The following NDUFV2 variants were observed in gnomAD, a reference collection of about 807,000 sequenced individuals.
NDUFV2 encodes the protein NADH dehydrogenase [ubiquinone] flavoprotein 2, mitochondrial.
NDUFV2 carries 18 observed loss-of-function variants against 31.6 expected under a neutral mutation model. The observed-to-expected ratio is 0.57, with a 90% CI of 0.39 to 0.84. The LOEUF (loss-of-function observed/expected upper bound fraction) is 0.84, where lower values mean the gene tolerates loss of function less well. NDUFV2 is among the 40% of genes least tolerant of loss of function. The pLI, the probability that NDUFV2 is intolerant of heterozygous loss-of-function variation, is 0.00. For synonymous variants in NDUFV2, 83 were observed against 99.8 expected, an observed-to-expected ratio of 0.83 and a Z score of 1.01; for missense variants, 314 against 303.6, an observed-to-expected ratio of 1.03 and a Z score of -0.26.
At chr18:9,124,766 T>C in intron 5 of NDUFV2, 108 bp from the exon 6 acceptor site, 1 of 1,181,630 alleles carries the variant, frequency 8.5e-7, no homozygotes, top group Non-Finnish European at 1.2e-6. Context: ...AAAAACTTAA[T>C]AGTCTTAAAC....
chr18:9,120,183 A>AAT (rs2077924652), intron 4 of NDUFV2, among the ~76,000 whole-genome samples: 1 of 152,220 alleles, frequency 6.6e-6, no homozygotes, highest in Non-Finnish European at 1.5e-5. Flanking sequence ...GTATCCTGTT[A>AAT]ATACAAATAA....
At chr18:9,121,927 A>T (rs1242403179) in intron 4 of NDUFV2, among the ~76,000 whole-genome samples, 1 of 152,054 alleles carries the variant, frequency 6.6e-6, no homozygotes, top group Non-Finnish European at 1.5e-5. Context: ...GGATTCTGGG[A>T]GAGGAGTGTG....
intron 1 of NDUFV2, among the ~76,000 whole-genome samples, chr18:9,115,120 AG>A (rs1471427619): frequency 4.6e-5 from 7 of 152,208 alleles, no homozygotes. Flanking sequence ...TATTTTAAGT[AG>A]GATTTTTTTG....
chr18:9,106,062 G>T (rs1169504938), intron 1 of NDUFV2, among the ~76,000 whole-genome samples: 3 of 152,148 alleles, frequency 2.0e-5, no homozygotes, highest in Admixed American at 6.5e-5. Context: ...ATCCCTTGTG[G>T]GCAGCAGATC....
chr18:9,125,133 T>G, intron 6 of NDUFV2, 150 bp downstream of exon 6: 1 of 874,022 alleles, frequency 1.1e-6, no homozygotes, highest in South Asian at 2.1e-5. Flanking sequence ...AAAAAATTCT[T>G]TAAACATTTT....
rs199997775 is a variant in NDUFV2 at position 9,117,857 on chromosome 18, T to C, written c.74T>C (p.Leu25Ser). Reference sequence around the variant, plus strand: ...TTTTAGGGAAGACATGTAAGGAATTTGCATAAGACAGTTATGCAAAATGGA... The same window carrying C: ...TTTTAGGGAAGACATGTAAGGAATTCGCATAAGACAGTTATGCAAAATGGA... The part of the protein sequence containing the change: ...TAHWGRHVRN[L>S]HKTVMQNGAG... The change falls in exon 2 of 8, where the codon TTG becomes TCG. Residue 25 changes from leucine to serine, a missense_variant. Coordinates refer to ENST00000318388, the MANE Select transcript of NDUFV2 (RefSeq NM_021074.5). 14 of 1,599,526 alleles carry C rather than the reference T, an allele frequency of 8.8e-6. No homozygotes were observed. The East Asian group carries it at 2.2e-4, about 26-fold the overall frequency.
rs2077997112 is a variant in NDUFV2 at position 9,127,010 on chromosome 18, G to GT, written c.656+104dup. The GT allele has an allele frequency of 3.3e-6, 3 of 922,304 alleles. No homozygotes were observed. In the South Asian group the frequency reaches 4.0e-5, roughly 12 times the overall value. 57.1% of individuals were successfully genotyped at this position (922,304 alleles called of 1,614,324 possible). A position where few individuals can be genotyped will look rare whatever the true frequency, so the allele number is the denominator to read the frequency against. On this transcript the variant is annotated intron_variant, in intron 7 of 7. Coordinates refer to ENST00000318388, the MANE Select transcript of NDUFV2 (RefSeq NM_021074.5). ...TTATACCTTAAGTTCATAGGAATTG[G>GT]TAGGAGCTTTGGATAGTATTATCTA...
At chr18:9,126,717 T>C (rs1477421892) in intron 6 of NDUFV2, 114 bp from the exon 7 acceptor site, 1 of 914,574 alleles carries the variant, frequency 1.1e-6, no homozygotes. Context: ...GGAGGATTGC[T>C]TAAGCCCAGG....
intron 2 of NDUFV2, 108 bp from the exon 3 acceptor site, chr18:9,119,218 G>T (rs1283090330): frequency 1.1e-6 from 1 of 872,438 alleles, no homozygotes; most frequent in Non-Finnish European, 1.9e-6. Context: ...ATATCATGTT[G>T]GAATTAAAAT....
At chr18:9,130,421 G>A (rs749411417) in intron 7 of NDUFV2, among the ~76,000 whole-genome samples, 2 of 152,128 alleles carry the variant, frequency 1.3e-5, no homozygotes, top group Admixed American at 1.3e-4. Flanking sequence ...ATTCGTGTCC[G>A]AATCTCTTTT....
At chr18:9,123,685 T>TG (rs1291223849) in intron 5 of NDUFV2, among the ~76,000 whole-genome samples, 1 of 152,166 alleles carries the variant, frequency 6.6e-6, no homozygotes, top group Admixed American at 6.5e-5. Flanking sequence ...AGAGGGGTCT[T>TG]GCTATGTTGC....
chr18:9,132,639 T>C (rs921001176), intron 7 of NDUFV2, among the ~76,000 whole-genome samples: 3 of 151,708 alleles, frequency 2.0e-5, no homozygotes, highest in East Asian at 1.9e-4. Context: ...CTTTGGGAGG[T>C]TGAGGCGGAC....
intron 1 of NDUFV2, among the ~76,000 whole-genome samples, chr18:9,107,934 G>C (rs2077849832): frequency 6.6e-6 from 1 of 152,086 alleles, no homozygotes; most frequent in African/African-American, 2.4e-5. Flanking sequence ...TAATGCTGTA[G>C]GTATAGCTAG....
intron 1 of NDUFV2, chr18:9,104,185 A>G (rs2077829309): frequency 1.2e-6 from 2 of 1,612,580 alleles, no homozygotes; most frequent in Non-Finnish European, 1.7e-6. Context: ...TTGGCAAGAA[A>G]AAGATCGGTA....
chr18:9,124,911 C>G lies in NDUFV2; in HGVS notation c.507C>G (p.Phe169Leu), dbSNP rs201708711. 34 of 1,612,618 alleles carry G rather than the reference C, an allele frequency of 2.1e-5. No individual in the cohort carries two copies. Among genetic ancestry groups the G allele is most frequent in the Non-Finnish European group, 2.5e-5 (30 of 1,179,460 alleles). The stretch of plus-strand genomic sequence containing the variant: ...GGGAGACTACACCTGACAAACTTTT[C>G]ACTCTTATAGAAGTGGAATGTTTAG... ...KVGETTPDKL[F>L]TLIEVECLGA... Residue 169 changes from phenylalanine (F) to leucine (L), a missense_variant, in exon 6 of 8, where the codon TTC becomes TTG. Coordinates refer to ENST00000318388, the MANE Select transcript of NDUFV2 (RefSeq NM_021074.5).
intron 7 of NDUFV2, among the ~76,000 whole-genome samples, chr18:9,129,998 A>T (rs181947927): frequency 6.6e-5 from 10 of 152,252 alleles, no homozygotes; most frequent in Non-Finnish European, 8.8e-5. Flanking sequence ...AAAATAGAGA[A>T]GATTTGTGGT....
intron 5 of NDUFV2, among the ~76,000 whole-genome samples, chr18:9,123,904 T>A (rs917541225): frequency 6.6e-6 from 1 of 152,248 alleles, no homozygotes; most frequent in Admixed American, 6.5e-5. Flanking sequence ...GGTCAGACTT[T>A]ACCGTATTTT....
chr18:9,103,121 C>G, intron 1 of NDUFV2: 2 of 403,842 alleles, frequency 5.0e-6, no homozygotes, highest in Non-Finnish European at 8.7e-6. Flanking sequence ...CTGGCCAGAT[C>G]AGTTTCGAAG....
chr18:9,119,431 A>G lies in NDUFV2; in HGVS notation c.183+43A>G, dbSNP rs777647699. 4 of 1,602,922 alleles carry G rather than the reference A, an allele frequency of 2.5e-6. No homozygotes were observed. In the Admixed American group the frequency reaches 6.7e-5, roughly 27 times the overall value. On this transcript the variant is annotated intron_variant, in intron 3 of 7. Transcript: ENST00000318388. ...TTATAATTAATTTACCAAATAGGTA[A>G]TATTTTCTAGATGTATAAAATGATG... is the stretch of plus-strand genomic sequence containing the variant.
Sources: allele counts gnomAD v4.1 joint callset (sites outside exome capture counted in the v4.1 genomes callset), GRCh38; gene constraint gnomAD v4.1.1; transcripts MANE v1.5; gene names NCBI Gene and HGNC (gene_info 2026-07-23, HGNC 2026-07-21).